PKHD1L1: variants seen among roughly 807,000 people sequenced by gnomAD.
The protein encoded by PKHD1L1 is PKHD1 like 1, also known as fibrocystin-L.
In PKHD1L1, 434 loss-of-function variants were observed where a neutral mutation model predicts 462.9. That is an observed-to-expected ratio of 0.94 (90% confidence interval 0.87 to 1.02). The LOEUF is 1.02. Among genes scored for constraint, PKHD1L1 ranks in the 50% least tolerant of loss-of-function variants. PKHD1L1 has a pLI of 0.00. For synonymous variants in PKHD1L1, 1,781 were observed against 1,750.0 expected, an observed-to-expected ratio of 1.02 and a Z score of -0.44; for missense variants, 5,202 against 5,096.1, an observed-to-expected ratio of 1.02 and a Z score of -0.63.
chr8:109,506,008 AT>A (rs1403119206), intron 68 of PKHD1L1, among the ~76,000 whole-genome samples: 2 of 152,182 alleles, frequency 1.3e-5, no homozygotes, highest in Non-Finnish European at 2.9e-5. Flanking sequence ...TCATTTAATT[AT>A]TGTTGAATTC....
chr8:109,525,505 C>A (rs1055907875), intron 76 of PKHD1L1, among the ~76,000 whole-genome samples: 1 of 152,110 alleles, frequency 6.6e-6, no homozygotes, highest in African/African-American at 2.4e-5. Flanking sequence ...CCAATGTCTG[C>A]GGCTTCAGCT....
rs770792517 is a variant in PKHD1L1 at position 109,486,778 on chromosome 8, CG to C, written c.9838del (p.Val3280TyrfsTer10). 6.2e-7 allele frequency: 1 copy of C among 1,612,104 alleles called. No individual in the cohort carries two copies. The highest frequency in any genetic ancestry group is 8.5e-7 in the Non-Finnish European group (1 of 1,178,728). ...GGTCTGAGGACTCTTTTGGAGCACGCGTACTGGTTGGCTCATTCACTGAAAA... is the reference window on the plus strand; with the variant it reads ...GGTCTGAGGACTCTTTTGGAGCACGCTACTGGTTGGCTCATTCACTGAAAA... ...GWSEDSFGAR[V>X]LVGSFTENMM... On this transcript the variant is annotated frameshift_variant, in exon 59 of 78. Transcript: ENST00000378402. LOFTEE classifies it high-confidence loss of function.
At chr8:109,452,445 A>T (rs1816581365) in intron 42 of PKHD1L1, among the ~76,000 whole-genome samples, 165 bp downstream of exon 42, 1 of 151,974 alleles carries the variant, frequency 6.6e-6, no homozygotes, top group Non-Finnish European at 1.5e-5. Flanking sequence ...TTTTCCTAAA[A>T]TTTTTATTAT....
chr8:109,446,155 G>A (rs1489824935), intron 38 of PKHD1L1, among the ~76,000 whole-genome samples: 1 of 152,054 alleles, frequency 6.6e-6, no homozygotes, highest in African/African-American at 2.4e-5. Context: ...TAATTACTTA[G>A]CATGACTCAT....
At chr8:109,385,490 T>C (rs764201327) in intron 5 of PKHD1L1, 47 bp from the exon 6 acceptor site, 1 of 1,282,614 alleles carries the variant, frequency 7.8e-7, no homozygotes, top group South Asian at 1.3e-5. Context: ...AGTGTATGGA[T>C]AGATTTTCTT....
chr8:109,398,512 C>A lies in PKHD1L1; in HGVS notation c.976C>A (p.Pro326Thr), dbSNP rs369091663. The stretch of plus-strand genomic sequence containing the variant: ...AGAAAATAGTATATGTTGCAAGACA[C>A]CCCCCAAACCTCATATTCTCAAAAC... ...VTENSICCKT[P>T]PKPHILKTVY... Residue 326 changes from proline to threonine, a missense_variant, in exon 12 of 78, where the codon CCC (proline) becomes ACC (threonine). Physicochemically the swap from Pro to Thr is conservative, Grantham distance 38. Around this residue, in one of 3 missense-constraint regions of PKHD1L1, gnomAD observed 4,497 missense variants for 4,336.8 expected, o/e 1.04. Transcript: ENST00000378402. 104 of 1,572,516 alleles carry A rather than the reference C, an allele frequency of 6.6e-5. No homozygotes were observed. Among genetic ancestry groups the A allele is most frequent in the Non-Finnish European group, 1.6e-5 (18 of 1,154,586 alleles).
At chr8:109,520,122 T>C (rs1377181810) in intron 73 of PKHD1L1, among the ~76,000 whole-genome samples, 1 of 152,076 alleles carries the variant, frequency 6.6e-6, no homozygotes, top group Non-Finnish European at 1.5e-5. Flanking sequence ...TATAAACTCT[T>C]GGTTAGAAGA....
Position 109,398,544 on chromosome 8 carries a change from T to A in PKHD1L1, c.1008T>A (p.Tyr336Ter). The change falls in exon 12 of 78, where the codon TAT becomes TAA. Residue 336 changes from tyrosine to a stop codon, truncating the protein, a stop_gained. Coordinates refer to ENST00000378402, the MANE Select transcript of PKHD1L1 (RefSeq NM_177531.6). LOFTEE classifies it high-confidence loss of function. ...AACCTCATATTCTCAAAACTGTATA[T>A]CCAGGTAAGTTACCATAAGGGACAA... ...PPKPHILKTV[Y>*]PGGRGLKLEV... 6.5e-7 allele frequency: 1 copy of A among 1,535,790 alleles called. No homozygotes were observed. Among genetic ancestry groups the A allele is most frequent in the Admixed American group, 1.9e-5 (1 of 53,808 alleles).
At chr8:109,418,701 C>T (rs996452735) in intron 21 of PKHD1L1, among the ~76,000 whole-genome samples, 5 of 152,150 alleles carry the variant, frequency 3.3e-5, no homozygotes, top group South Asian at 2.1e-4. Context: ...TTCTTAGCAG[C>T]GGACTGAACT....
Position 109,507,786 on chromosome 8 carries a change from A to G in PKHD1L1, c.11118A>G (p.Glu3706=), listed in dbSNP as rs771594949. 1 of 1,613,470 alleles carries G rather than the reference A, an allele frequency of 6.2e-7. No individual in the cohort carries two copies. The highest frequency in any genetic ancestry group is 1.1e-5 in the South Asian group (1 of 91,076). The change falls in exon 69 of 78, where the codon GAA becomes GAG. Residue 3706 remains glutamate (E), a synonymous_variant. Coordinates refer to ENST00000378402, the MANE Select transcript of PKHD1L1 (RefSeq NM_177531.6). ...CTGTGATACCTCAAGCAGAATATGA[A>G]TGGGACGGAAACAGCCAAGTAGGAA... The part of the protein sequence containing the change: ...AGSVIPQAEY[E]WDGNSQVGIG...
At chr8:109,381,581 G>C in intron 3 of PKHD1L1, 67 bp downstream of exon 3, 1 of 1,182,594 alleles carries the variant, frequency 8.5e-7, no homozygotes, top group Non-Finnish European at 1.2e-6. Context: ...ATGAATATTA[G>C]TATTATAATA....
At chr8:109,510,743 T>G (rs370269046) in intron 70 of PKHD1L1, 34 bp from the exon 71 acceptor site, 1 of 1,595,736 alleles carries the variant, frequency 6.3e-7, no homozygotes, top group South Asian at 1.1e-5. Context: ...ATGTATGATA[T>G]AGGAGTATGC....
intron 50 of PKHD1L1, among the ~76,000 whole-genome samples, chr8:109,473,197 A>C (rs1817810959): frequency 6.6e-6 from 1 of 152,176 alleles, no homozygotes; most frequent in Non-Finnish European, 1.5e-5. Flanking sequence ...GTCAGGTTAA[A>C]TGCAATCCCA....
chr8:109,416,029 GA>G (rs1814151276), intron 21 of PKHD1L1, among the ~76,000 whole-genome samples: 1 of 152,004 alleles, frequency 6.6e-6, no homozygotes, highest in South Asian at 2.1e-4. Context: ...TCAATCAATG[GA>G]TAAAGTGAGG....
chr8:109,500,632 C>A (rs1475004640), intron 67 of PKHD1L1, among the ~76,000 whole-genome samples: 1 of 125,048 alleles, frequency 8.0e-6, no homozygotes, highest in Admixed American at 1.0e-4. Context: ...CGAGATCACA[C>A]AACTGTACTC....
chr8:109,363,874 T>C (rs1015859648), intron 1 of PKHD1L1, among the ~76,000 whole-genome samples: 12 of 152,214 alleles, frequency 7.9e-5, no homozygotes, highest in Non-Finnish European at 1.5e-4. Flanking sequence ...ACCCGTGGCC[T>C]CTATGCTCTC....
intron 11 of PKHD1L1, 97 bp downstream of exon 11, chr8:109,396,234 T>C: frequency 1.2e-6 from 1 of 838,150 alleles, no homozygotes; most frequent in Non-Finnish European, 1.9e-6. Flanking sequence ...TCTCAACTCA[T>C]GCCTTCAATT....
intron 76 of PKHD1L1, among the ~76,000 whole-genome samples, chr8:109,524,312 A>G (rs1046014072): frequency 6.6e-6 from 1 of 152,088 alleles, no homozygotes; most frequent in Admixed American, 6.6e-5. Flanking sequence ...CCTAAGCCAG[A>G]TATGTTCAGT....
At chr8:109,390,588 T>A (rs1237937859) in intron 9 of PKHD1L1, 94 bp downstream of exon 9, 1 of 656,698 alleles carries the variant, frequency 1.5e-6, no homozygotes, top group African/African-American at 1.9e-5. Flanking sequence ...ATGCAGAGGT[T>A]TAAAAATTAA....
Sources: allele counts gnomAD v4.1 joint callset (sites outside exome capture counted in the v4.1 genomes callset), GRCh38; gene constraint gnomAD v4.1.1; regional missense constraint gnomAD v4.1.1; transcripts MANE v1.5; gene names NCBI Gene and HGNC (gene_info 2026-07-23, HGNC 2026-07-21).